The following POLI variants were observed in gnomAD, a reference collection of about 807,000 sequenced individuals.
POLI encodes the protein DNA polymerase iota.
In POLI, 58 loss-of-function variants were observed where a neutral mutation model predicts 51.6. The observed-to-expected ratio is 1.12, with a 90% CI of 0.91 to 1.40. The LOEUF (loss-of-function observed/expected upper bound fraction) is 1.40. POLI is among the 40% of genes most tolerant of loss of function. POLI has a pLI of 0.00. For missense variants in POLI, 921 were observed against 871.3 expected (o/e 1.06, Z -0.72); for synonymous variants, 322 against 299.7 (o/e 1.07, Z -0.77).
Position 54,297,811 on chromosome 18 carries a change from T to A in POLI, c.*3344T>A. ...CAAGTTCTTTATTAAATCTCCAAAT[T>A]GGATATTATTAGTATTTTATATAGT... On this transcript the variant is annotated 3_prime_UTR_variant, in exon 10 of 10. Coordinates refer to ENST00000579534, the MANE Select transcript of POLI (RefSeq NM_007195.3). 1.0e-6 allele frequency: 1 copy of A among 958,856 alleles called. No individual in the cohort carries two copies. Among genetic ancestry groups the A allele is most frequent in the Non-Finnish European group, 1.2e-6 (1 of 805,596 alleles). The allele number at this position is 958,856 out of a possible 1,614,324, so 59.4% of individuals were successfully genotyped here. A position where few individuals can be genotyped will look rare whatever the true frequency, so the allele number is the denominator to read the frequency against.
At position 54,280,762 on chromosome 18, in the gene POLI, A is replaced by G. The variant is rs756274348; in HGVS notation, c.655A>G (p.Thr219Ala). ...REAMYNQLGL[T>A]GCAGVASNKL... is the part of the protein sequence containing the mutation. ...AGCCATGTATAATCAGTTGGGGCTC[A>G]CTGGCTGTGCTGGAGTGGCTTCTAA... The change falls in exon 5 of 10, where the codon ACT becomes GCT. Residue 219 changes from threonine (T) to alanine (A), a missense_variant. Transcript: ENST00000579534. 1.5e-5 allele frequency: 24 copies of G among 1,613,700 alleles called. No homozygotes were observed. Among genetic ancestry groups the G allele is most frequent in the Middle Eastern group, 3.3e-4 (2 of 6,082 alleles).
chr18:54,282,231 T>A (rs948062164), intron 5 of POLI, among the ~76,000 whole-genome samples: 1 of 152,170 alleles, frequency 6.6e-6, no homozygotes, highest in Admixed American at 6.5e-5. Flanking sequence ...TTCTGGAATA[T>A]TACATAACAG....
chr18:54,286,720 G>A (rs1410348301), intron 7 of POLI, among the ~76,000 whole-genome samples: 2 of 152,042 alleles, frequency 1.3e-5, no homozygotes, highest in African/African-American at 2.4e-5. Flanking sequence ...GAGGTGGGGG[G>A]ATCACCTGAG....
At chr18:54,270,129 C>A in intron 1 of POLI, 2 of 699,942 alleles carry the variant, frequency 2.9e-6, no homozygotes, top group Admixed American at 6.3e-5. Context: ...CCACTTCCAG[C>A]TCTGGTCTTT....
chr18:54,307,907 G>GT (rs146438469), intron 3 of POLI, among the ~76,000 whole-genome samples: 17,657 of 145,004 alleles, frequency 0.12, 3,400 homozygotes, highest in African/African-American at 0.41. Flanking sequence ...TTCAACCCCT[G>GT]TTTTTTTTTT....
rs370838392 is a variant in POLI at position 54,270,178 on chromosome 18, A to G, written c.115+517A>G. The G allele has an allele frequency of 4.7e-5, 12 of 254,890 alleles. 1 individual carries two copies. The East Asian group carries it at 2.0e-3, about 42-fold the overall frequency. The allele number at this position is 254,890 out of a possible 1,614,324, so 15.8% of individuals were successfully genotyped here. ...CACCTCAGGGCCTGGATGTAAAGGC[A>G]CCGGTTCTCATTTCCTGCTGGTTTT... On this transcript the variant is annotated intron_variant, in intron 1 of 9. Transcript: ENST00000579534.
At chr18:54,317,055 A>G (rs1298673681) in intron 3 of POLI, among the ~76,000 whole-genome samples, 10 of 152,200 alleles carry the variant, frequency 6.6e-5, no homozygotes, top group Admixed American at 6.5e-4. Flanking sequence ...TTTCTAAGAA[A>G]TGATCATTTT....
chr18:54,298,586 A>ATATTT, downstream of POLI, among the ~76,000 whole-genome samples: 1 of 120,880 alleles, frequency 8.3e-6, no homozygotes, highest in Admixed American at 8.0e-5. Flanking sequence ...ATACTACAGA[A>ATATTT]TCTTTTTTTT....
chr18:54,290,914 C>G (rs1276185026), intron 8 of POLI, among the ~76,000 whole-genome samples: 4 of 152,134 alleles, frequency 2.6e-5, no homozygotes, highest in Non-Finnish European at 5.9e-5. Flanking sequence ...TAACACGGTA[C>G]ATGTATACCT....
chr18:54,304,819 G>T (rs1393506202), intron 3 of POLI, among the ~76,000 whole-genome samples: 1 of 152,182 alleles, frequency 6.6e-6, no homozygotes. Flanking sequence ...TGGTGTTTTA[G>T]ACATGAAGTC....
At chr18:54,287,936 T>C (rs3730779) in intron 8 of POLI, among the ~76,000 whole-genome samples, 3 of 152,228 alleles carry the variant, frequency 2.0e-5, no homozygotes, top group Non-Finnish European at 2.9e-5. Flanking sequence ...CTGTGATAAC[T>C]GTATAGCATG....
At chr18:54,281,747 T>A (rs1259685556) in intron 5 of POLI, among the ~76,000 whole-genome samples, 1 of 49,026 alleles carries the variant, frequency 2.0e-5, no homozygotes, top group Non-Finnish European at 5.7e-5. Context: ...TTCTTGTATC[T>A]TTTTTTTTTT....
At chr18:54,278,952 G>A (rs2144497371) in intron 4 of POLI, among the ~76,000 whole-genome samples, 1 of 152,284 alleles carries the variant, frequency 6.6e-6, no homozygotes, top group Admixed American at 6.5e-5. Context: ...TAGAACCACA[G>A]TTTCTAGAAT....
Position 54,271,400 on chromosome 18 carries a change from C to T in POLI, c.156C>T (p.Ser52=), listed in dbSNP as rs913554987. The change falls in exon 2 of 10, where the codon TCC becomes TCT. Residue 52 remains serine, a synonymous_variant. Coordinates refer to ENST00000579534, the MANE Select transcript of POLI (RefSeq NM_007195.3). ...TGTTGCCCACACCAAATGCTTCATCCAGAGTCATAGTACATGTGGATCTGG... is the reference window on the plus strand; with the variant it reads ...TGTTGCCCACACCAAATGCTTCATCTAGAGTCATAGTACATGTGGATCTGG... ...DQVLPTPNAS[S]RVIVHVDLDC... 6.2e-7 allele frequency: 1 copy of T among 1,611,654 alleles called. No individual in the cohort carries two copies. Among genetic ancestry groups the T allele is most frequent in the Non-Finnish European group, 8.5e-7 (1 of 1,178,048 alleles).
At chr18:54,317,429 C>G (rs1271798348) in intron 3 of POLI, among the ~76,000 whole-genome samples, 3 of 151,988 alleles carry the variant, frequency 2.0e-5, no homozygotes, top group Admixed American at 6.6e-5. Flanking sequence ...AAAGCAACTT[C>G]ATTATTAGAA....
chr18:54,290,925 A>G (rs542437118), intron 8 of POLI, among the ~76,000 whole-genome samples: 1 of 152,328 alleles, frequency 6.6e-6, no homozygotes, highest in South Asian at 2.1e-4. Flanking sequence ...ATGTATACCT[A>G]TGTAACAAAT....
At chr18:54,284,720 A>G (rs1361519456) in intron 7 of POLI, 2 of 152,422 alleles carry the variant, frequency 1.3e-5, no homozygotes, top group Non-Finnish European at 2.9e-5. Flanking sequence ...GTGTGTGAGT[A>G]GGGTGAGTGA....
At chr18:54,301,339 C>CA (rs930560328), downstream of POLI, among the ~76,000 whole-genome samples, 98 of 150,342 alleles carry the variant, frequency 6.5e-4, 1 homozygote, top group African/African-American at 2.0e-3. Context: ...AATGAACATA[C>CA]AAAAAAAAAT....
chr18:54,287,492 A>T, intron 8 of POLI, 81 bp downstream of exon 8: 1 of 1,003,846 alleles, frequency 1.0e-6, no homozygotes, highest in Non-Finnish European at 1.5e-6. Context: ...TATGCTCCAA[A>T]AATGGAGGGT....
Sources: allele counts gnomAD v4.1 joint callset (sites outside exome capture counted in the v4.1 genomes callset), GRCh38; gene constraint gnomAD v4.1.1; transcripts MANE v1.5; gene names NCBI Gene and HGNC (gene_info 2026-07-23, HGNC 2026-07-21).